DOCK10: variants seen among roughly 807,000 people sequenced by gnomAD.
DOCK10 encodes the protein dedicator of cytokinesis protein 10.
Under a neutral mutation model 280.1 loss-of-function variants are expected in DOCK10, and 145 were observed. The ratio of observed to expected loss-of-function variants is 0.52; its 90% CI spans 0.45 to 0.59. The LOEUF (loss-of-function observed/expected upper bound fraction) is 0.59, where lower values mean the gene tolerates loss of function less well. DOCK10 is among the 20% of genes least tolerant of loss of function. DOCK10 has a pLI of 0.00. For missense variants in DOCK10, 2,368 were observed against 2,651.7 expected (o/e 0.89, Z 2.35); for synonymous variants, 915 against 942.2 (o/e 0.97, Z 0.53).
chr2:225,036,193 T>G (rs2106140643), intron 1 of DOCK10, among the ~76,000 whole-genome samples: 1 of 152,296 alleles, frequency 6.6e-6, no homozygotes, highest in East Asian at 1.9e-4. Context: ...AGCAATTATT[T>G]AAGTCTGTTA....
intron 1 of DOCK10, among the ~76,000 whole-genome samples, chr2:224,994,480 G>T (rs1706213422): frequency 6.6e-6 from 1 of 152,232 alleles, no homozygotes; most frequent in Non-Finnish European, 1.5e-5. Context: ...CTGTCCACCA[G>T]AAAGTCTCTA....
At chr2:224,918,618 G>A (rs182339821) in intron 2 of DOCK10, among the ~76,000 whole-genome samples, 100 of 150,676 alleles carry the variant, frequency 6.6e-4, no homozygotes, top group African/African-American at 2.4e-3. Context: ...TATGTGGGGT[G>A]TGTGTATGTA....
At chr2:224,926,642 T>A (rs1702060189) in intron 2 of DOCK10, among the ~76,000 whole-genome samples, 1 of 152,192 alleles carries the variant, frequency 6.6e-6, no homozygotes, top group Non-Finnish European at 1.5e-5. Context: ...GTGTTCTTAG[T>A]GCTGTTTTTT....
chr2:224,933,067 C>T (rs1702487720), intron 1 of DOCK10, among the ~76,000 whole-genome samples: 1 of 151,974 alleles, frequency 6.6e-6, no homozygotes, highest in Non-Finnish European at 1.5e-5. Flanking sequence ...AGAAAGATGG[C>T]TAGTTTAGTA....
At chr2:224,841,145 A>C (rs936824374) in intron 23 of DOCK10, among the ~76,000 whole-genome samples, 9 of 152,172 alleles carry the variant, frequency 5.9e-5, no homozygotes, top group African/African-American at 2.2e-4. Context: ...AGGATACAAA[A>C]TTTCAGCTAG....
intron 1 of DOCK10, among the ~76,000 whole-genome samples, chr2:224,958,059 C>A (rs1050440667): frequency 6.6e-6 from 1 of 152,194 alleles, no homozygotes; most frequent in African/African-American, 2.4e-5. Flanking sequence ...ACTTCCCTAA[C>A]CTCTCTGGAA....
chr2:224,917,971 C>T (rs1268721126), intron 2 of DOCK10, among the ~76,000 whole-genome samples: 1 of 152,196 alleles, frequency 6.6e-6, no homozygotes, highest in Non-Finnish European at 1.5e-5. Context: ...TTCATTTAAA[C>T]TGCTCTAGAT....
chr2:224,830,873 A>G (rs1404585641), intron 26 of DOCK10, among the ~76,000 whole-genome samples: 1 of 151,756 alleles, frequency 6.6e-6, no homozygotes, highest in African/African-American at 2.4e-5. Flanking sequence ...ATATTTATTC[A>G]AGGGATGTTC....
chr2:224,814,363 A>T lies in DOCK10; in HGVS notation c.3366T>A (p.Asp1122Glu). 1 of 1,523,642 alleles carries T rather than the reference A, an allele frequency of 6.6e-7. No homozygotes were observed. Among genetic ancestry groups the T allele is most frequent in the Non-Finnish European group, 8.8e-7 (1 of 1,133,252 alleles). The allele number at this position is 1,523,642 out of a possible 1,614,324, so 94.4% of individuals were successfully genotyped here. A position where few individuals can be genotyped will look rare whatever the true frequency, so the allele number is the denominator to read the frequency against. Residue 1122 changes from aspartate (D) to glutamate (E), a missense_variant and splice_region_variant, in exon 31 of 56, where the codon GAT (aspartate) becomes GAA (glutamate). Physicochemically the swap from Asp to Glu is conservative, Grantham distance 45. Coordinates refer to ENST00000258390, the MANE Select transcript of DOCK10 (RefSeq NM_014689.3). ...CLPIRSANIP[D>E]PLTPSESTQE... Reference sequence around the variant, plus strand: ...GAGTCGATTCTGAAGGTGTCAAAGGATCTGAATTTAATATAAATAAAAAGT... The same window carrying T: ...GAGTCGATTCTGAAGGTGTCAAAGGTTCTGAATTTAATATAAATAAAAAGT...
chr2:224,819,558 CACTTTT>C (rs762249892), intron 28 of DOCK10, 29 bp from the exon 29 acceptor site: 64 of 1,383,242 alleles, frequency 4.6e-5, no homozygotes, highest in Middle Eastern at 1.9e-4. Context: ...TAAATTTAAA[CACTTTT>C]ACTTGAAGAA....
At chr2:224,845,393 A>G (rs1696271303) in intron 20 of DOCK10, 69 bp from the exon 21 acceptor site, 10 of 1,532,024 alleles carry the variant, frequency 6.5e-6, no homozygotes, top group Middle Eastern at 3.4e-4. Context: ...CAATAATGCT[A>G]TTTATTATTT....
intron 50 of DOCK10, among the ~76,000 whole-genome samples, chr2:224,785,641 C>T (rs917215391): frequency 1.3e-4 from 20 of 151,990 alleles, no homozygotes; most frequent in African/African-American, 4.1e-4. Flanking sequence ...CCACCACACC[C>T]GGCTAATTTT....
At chr2:224,831,935 G>T (rs1265522185) in intron 26 of DOCK10, among the ~76,000 whole-genome samples, 2 of 152,116 alleles carry the variant, frequency 1.3e-5, no homozygotes, top group Non-Finnish European at 2.9e-5. Flanking sequence ...GGCTCCTGGT[G>T]GGCTTGTTCT....
At chr2:224,961,974 TTTA>T (rs1417670937) in intron 1 of DOCK10, among the ~76,000 whole-genome samples, 1 of 151,508 alleles carries the variant, frequency 6.6e-6, no homozygotes, top group African/African-American at 2.4e-5. Context: ...ATTGCAGGAG[TTTA>T]TTGAGGAGCC....
rs747014599 is a variant in DOCK10, at chr2:224,852,885, T to C, written c.2076+50A>G. ...CACATTCAGGAACTATCTTATATGG[T>C]CTAAATACGGTGAAAAGAAAAGATG... On this transcript the variant is annotated intron_variant, in intron 17 of 55. Transcript: ENST00000258390. 2.2e-5 allele frequency: 32 copies of C among 1,454,938 alleles called. No individual in the cohort carries two copies. In the African/African-American group the frequency reaches 3.8e-4, roughly 17 times the overall value. The allele number at this position is 1,454,938 out of a possible 1,614,324, so 90.1% of individuals were successfully genotyped here. A position where few individuals can be genotyped will look rare whatever the true frequency, so the allele number is the denominator to read the frequency against.
At position 224,925,872 on chromosome 2, in the gene DOCK10, A is replaced by C. The variant is rs1702020326; in HGVS notation, c.243+5677T>G. On this transcript the variant is annotated intron_variant, in intron 2 of 55. Coordinates refer to ENST00000258390, the MANE Select transcript of DOCK10 (RefSeq NM_014689.3). ...TTGCATCAGTCTTTTCTTAAACTGA[A>C]TCATTTGACAATATGATTCAATGTG... 1.3e-5 allele frequency among the ~76,000 whole-genome samples: 2 copies of C among 152,226 alleles called. 1 individual carries two copies. The highest frequency in any genetic ancestry group is 4.1e-4 in the South Asian group (2 of 4,838).
Position 224,794,783 on chromosome 2 carries a change from T to A in DOCK10, c.5154+96A>T. The A allele has an allele frequency of 3.4e-6, 4 of 1,180,670 alleles. No individual in the cohort carries two copies. In the South Asian group the frequency reaches 5.4e-5, roughly 16 times the overall value. 73.1% of individuals were successfully genotyped at this position (1,180,670 alleles called of 1,614,324 possible). ...TCATTTCTAGATTAGTTGAAAAACA[T>A]GGCATCCTTTTCTAGTCCATGCTGT... On this transcript the variant is annotated intron_variant, in intron 45 of 55. Coordinates refer to ENST00000258390, the MANE Select transcript of DOCK10 (RefSeq NM_014689.3).
chr2:224,869,271 G>T (rs1194420235), intron 11 of DOCK10, among the ~76,000 whole-genome samples: 2 of 152,108 alleles, frequency 1.3e-5, no homozygotes, highest in Non-Finnish European at 2.9e-5. Flanking sequence ...CTTGAATTTG[G>T]TTTTCAATTT....
intron 28 of DOCK10, among the ~76,000 whole-genome samples, chr2:224,822,727 G>GA (rs1178821108): frequency 6.6e-6 from 1 of 150,864 alleles, no homozygotes; most frequent in Non-Finnish European, 1.5e-5. Flanking sequence ...AAGAAATAAA[G>GA]AAAAAAAAGA....
Sources: allele counts gnomAD v4.1 joint callset (sites outside exome capture counted in the v4.1 genomes callset), GRCh38; gene constraint gnomAD v4.1.1; transcripts MANE v1.5; gene names NCBI Gene and HGNC (gene_info 2026-07-23, HGNC 2026-07-21).